Variants in MTMR8 observed in about 807,000 individuals in gnomAD.
The protein encoded by MTMR8 is phosphatidylinositol-3,5-bisphosphate 3-phosphatase MTMR8.
A neutral mutation model predicts 39.3 loss-of-function variants in MTMR8; 65 were observed. The ratio of observed to expected loss-of-function variants is 1.65; its 90% CI spans 1.35 to 2.03. MTMR8 has a LOEUF of 2.03. MTMR8 is among the 30% of genes most tolerant of loss of function. The pLI, the probability that MTMR8 is intolerant of heterozygous loss-of-function variation, is 0.00. For missense variants in MTMR8, 777 were observed against 538.9 expected, an observed-to-expected ratio of 1.44 and a Z score of -4.37; for synonymous variants, 245 against 185.2, an observed-to-expected ratio of 1.32 and a Z score of -2.62.
rs762141992 is a variant in MTMR8 at position 64,284,572 on chromosome X, G to A, written c.1482-13499C>T. On this transcript the variant is annotated intron_variant, in intron 12 of 13. Coordinates refer to ENST00000374852, the MANE Select transcript of MTMR8 (RefSeq NM_017677.4). Reference sequence around the variant, plus strand: ...GGAAAAAATGTTAAGGGCAGCCAGAGAGAAAGGTCACATTACCCACAAAGG... The same window carrying A: ...GGAAAAAATGTTAAGGGCAGCCAGAAAGAAAGGTCACATTACCCACAAAGG... 1.3e-4 allele frequency among the ~76,000 whole-genome samples: 14 copies of A among 111,900 alleles called. No individual in the cohort carries two copies. The South Asian group carries it at 4.9e-3, about 39-fold the overall frequency.
chrX:64,310,580 C>T (rs931327711), intron 12 of MTMR8, among the ~76,000 whole-genome samples: 3 of 110,992 alleles, frequency 2.7e-5, no homozygotes, highest in African/African-American at 6.6e-5. Flanking sequence ...ATACATGTGT[C>T]ATGTTGGTTT....
At chrX:64,386,846 C>G (rs1236880048) in intron 1 of MTMR8, among the ~76,000 whole-genome samples, 1 of 109,670 alleles carries the variant, frequency 9.1e-6, no homozygotes, top group Non-Finnish European at 1.9e-5. Flanking sequence ...GAGTTCAAGA[C>G]CAGCCTGGGC....
chrX:64,319,332 A>T (rs1922563220), intron 12 of MTMR8, among the ~76,000 whole-genome samples: 2 of 112,102 alleles, frequency 1.8e-5, no homozygotes, highest in South Asian at 3.7e-4. Context: ...GATTGCAAAA[A>T]TTTTCTCCCA....
intron 8 of MTMR8, among the ~76,000 whole-genome samples, chrX:64,338,110 T>C (rs1923122828): frequency 8.9e-6 from 1 of 112,040 alleles, no homozygotes; most frequent in African/African-American, 3.2e-5. Context: ...CAGTAATGTG[T>C]AGTAACAATA....
chrX:64,369,886 G>A (rs765673274), intron 1 of MTMR8, among the ~76,000 whole-genome samples: 16 of 111,424 alleles, frequency 1.4e-4, no homozygotes, highest in Admixed American at 4.8e-4. Context: ...TGTACATACA[G>A]CAATATAAAT....
At chrX:64,303,807 T>G (rs1921985446) in intron 12 of MTMR8, among the ~76,000 whole-genome samples, 1 of 112,455 alleles carries the variant, frequency 8.9e-6, no homozygotes, top group Non-Finnish European at 1.9e-5. Flanking sequence ...CATGGTATTC[T>G]AACACAACTG....
At chrX:64,315,970 T>C (rs1258268651) in intron 12 of MTMR8, among the ~76,000 whole-genome samples, 1 of 111,447 alleles carries the variant, frequency 9.0e-6, no homozygotes, top group Non-Finnish European at 1.9e-5. Context: ...CATCGTGTAG[T>C]GGTGTCAGCA....
chrX:64,348,909 T>C, intron 5 of MTMR8, 115 bp from the exon 6 acceptor site: 3 of 798,193 alleles, frequency 3.8e-6, no homozygotes, highest in South Asian at 5.6e-5. Context: ...CTTAAGATAG[T>C]GTCCAAAGCA....
intron 4 of MTMR8, among the ~76,000 whole-genome samples, chrX:64,353,928 A>G (rs1369684602): frequency 2.7e-5 from 3 of 110,955 alleles, no homozygotes; most frequent in Non-Finnish European, 5.7e-5. Context: ...CCTTGTCTCA[A>G]AAAGAAAGAA....
chrX:64,335,087 T>TG (rs1368330386), intron 10 of MTMR8, among the ~76,000 whole-genome samples: 1 of 110,700 alleles, frequency 9.0e-6, no homozygotes, highest in Non-Finnish European at 1.9e-5. Flanking sequence ...TGCATATCAA[T>TG]GGGGGAAAAT....
chrX:64,378,446 C>T (rs1294080768), intron 1 of MTMR8, among the ~76,000 whole-genome samples: 1 of 111,576 alleles, frequency 9.0e-6, no homozygotes, highest in East Asian at 2.8e-4. Flanking sequence ...GTCTCAAACT[C>T]CCCGCCTCAA....
chrX:64,317,386 AT>A (rs1235267403), intron 12 of MTMR8, among the ~76,000 whole-genome samples: 3 of 109,951 alleles, frequency 2.7e-5, no homozygotes, highest in Non-Finnish European at 5.7e-5. Context: ...CTGTTTATTT[AT>A]TTTTTTCGTC....
At chrX:64,277,587 T>C (rs941365704) in intron 12 of MTMR8, among the ~76,000 whole-genome samples, 2 of 112,271 alleles carry the variant, frequency 1.8e-5, no homozygotes, top group African/African-American at 6.5e-5. Flanking sequence ...TTCTGGTTTG[T>C]AGGGTTTCTG....
intron 12 of MTMR8, among the ~76,000 whole-genome samples, chrX:64,312,792 A>G (rs2147211609): frequency 8.9e-6 from 1 of 112,516 alleles, no homozygotes; most frequent in South Asian, 3.7e-4. Flanking sequence ...GTTAGCGGCC[A>G]TGAAAACATT....
intron 12 of MTMR8, chrX:64,305,570 C>T (rs752501449): frequency 2.3e-5 from 11 of 469,232 alleles, no homozygotes; most frequent in African/African-American, 2.1e-4. Context: ...TTCCAGTAGC[C>T]ATGTTGCTCA....
intron 1 of MTMR8, among the ~76,000 whole-genome samples, chrX:64,384,458 T>C (rs1471059110): frequency 9.0e-6 from 1 of 111,360 alleles, no homozygotes; most frequent in Non-Finnish European, 1.9e-5. Context: ...ACTGCCCTAG[T>C]AGAGGTTCTC....
At position 64,377,724 on chromosome X, in the gene MTMR8, T is replaced by C. The variant is rs1053562929; in HGVS notation, c.24+17616A>G. On this transcript the variant is annotated intron_variant, in intron 1 of 13. Coordinates refer to ENST00000374852, the MANE Select transcript of MTMR8 (RefSeq NM_017677.4). Reference sequence around the variant, plus strand: ...AATTAATGCTAGAATGAGTTAAGACTCTGGGGAACTGTTAAAAAGGCATGA... The same window carrying C: ...AATTAATGCTAGAATGAGTTAAGACCCTGGGGAACTGTTAAAAAGGCATGA... Among the ~76,000 whole-genome samples the C allele has an allele frequency of 2.7e-5, 3 of 112,237 alleles. No individual in the cohort carries two copies. In the Admixed American group the frequency reaches 2.8e-4, roughly 11 times the overall value.
intron 12 of MTMR8, among the ~76,000 whole-genome samples, chrX:64,282,141 C>A (rs1932029522): frequency 9.0e-6 from 1 of 111,386 alleles, no homozygotes; most frequent in African/African-American, 3.3e-5. Flanking sequence ...ATCAGTTCAA[C>A]CACTGTGGAA....
rs1051454777 is a variant in MTMR8 at position 64,268,456 on chromosome X, G to T, written c.*81C>A. The T allele has an allele frequency of 5.4e-6, 6 of 1,116,186 alleles. No individual in the cohort carries two copies. In the African/African-American group the frequency reaches 1.1e-4, roughly 21 times the overall value. 92.0% of individuals were successfully genotyped at this position (1,116,186 alleles called of 1,213,427 possible). On this transcript the variant is annotated 3_prime_UTR_variant, in exon 14 of 14. Transcript: ENST00000374852. ...TGGCTTCACCCACTTAAACCAATTG[G>T]AAAAGCAGCATAGCCCTCTCTGGGA...
Sources: allele counts gnomAD v4.1 joint callset (sites outside exome capture counted in the v4.1 genomes callset), GRCh38; gene constraint gnomAD v4.1.1; transcripts MANE v1.5; gene names NCBI Gene and HGNC (gene_info 2026-07-23, HGNC 2026-07-21).